PRKAG2: variants seen among roughly 807,000 people sequenced by gnomAD.
PRKAG2 encodes 5'-AMP-activated protein kinase subunit gamma-2.
PRKAG2 carries 26 observed loss-of-function variants against 69.6 expected under a neutral mutation model. The observed-to-expected ratio is 0.37, with a 90% CI of 0.27 to 0.52. The LOEUF is 0.52. Ranked by LOEUF, PRKAG2 falls within the 20% of genes least tolerant of loss-of-function variation. The pLI, the probability that PRKAG2 is intolerant of heterozygous loss-of-function variation, is 0.90. For synonymous variants in PRKAG2, 293 were observed against 285.0 expected, an observed-to-expected ratio of 1.03 and a Z score of -0.28; for missense variants, 557 against 740.0, an observed-to-expected ratio of 0.75 and a Z score of 2.87.
At chr7:151,839,991 AT>A (rs1466485687) in intron 1 of PRKAG2, among the ~76,000 whole-genome samples, 1 of 152,204 alleles carries the variant, frequency 6.6e-6, no homozygotes, top group East Asian at 1.9e-4. Context: ...GAGATCAGAT[AT>A]CCCCCTAACA....
At chr7:151,624,371 G>A (rs529077588) in intron 5 of PRKAG2, among the ~76,000 whole-genome samples, 4 of 151,942 alleles carry the variant, frequency 2.6e-5, no homozygotes, top group African/African-American at 7.2e-5. Flanking sequence ...GGCCGATCTC[G>A]AACTCCTGGA....
At position 151,632,204 on chromosome 7, in the gene PRKAG2, G is replaced by T; in HGVS notation, c.685-66C>A. On this transcript the variant is annotated intron_variant, in intron 4 of 15. Transcript: ENST00000287878. This position sits in a 1 kb window ranked among gnomAD's most constrained non-coding sequence, Gnocchi z 4.2. ...ACGCTCGTCCCCGGCCGGCGGGCTC[G>T]CGGCCGGCCGAGCGCTGGGGCCTGG... 1.7e-6 allele frequency: 2 copies of T among 1,163,578 alleles called. No homozygotes were observed. The highest frequency in any genetic ancestry group is 4.6e-5 in the Admixed American group (1 of 21,744). 72.1% of individuals were successfully genotyped at this position (1,163,578 alleles called of 1,614,324 possible). A position where few individuals can be genotyped will look rare whatever the true frequency, so the allele number is the denominator to read the frequency against.
At chr7:151,819,123 T>C (rs1485734873) in intron 1 of PRKAG2, among the ~76,000 whole-genome samples, 1 of 152,180 alleles carries the variant, frequency 6.6e-6, no homozygotes, top group Non-Finnish European at 1.5e-5. Flanking sequence ...ACAGAGAATC[T>C]GGCCGGCCCG....
rs561627571 is a variant in PRKAG2, at chr7:151,685,600, T to C, written c.467-9963A>G. Among the ~76,000 whole-genome samples, 592 of 152,088 alleles carry C rather than the reference T, an allele frequency of 3.9e-3. 2 individuals carry two copies. The highest frequency in any genetic ancestry group is 0.013 in the African/African-American group (546 of 41,486). On this transcript the variant is annotated intron_variant, in intron 3 of 15. Coordinates refer to ENST00000287878, the MANE Select transcript of PRKAG2 (RefSeq NM_016203.4). Reference sequence around the variant, plus strand: ...CCTGGGCAACATAGTGAGACCCCCATTTCTACAAAAAATAAAAAATTAGCT... The same window carrying C: ...CCTGGGCAACATAGTGAGACCCCCACTTCTACAAAAAATAAAAAATTAGCT...
At chr7:151,671,275 A>G (rs913687979) in intron 4 of PRKAG2, among the ~76,000 whole-genome samples, 1 of 151,028 alleles carries the variant, frequency 6.6e-6, no homozygotes, top group Non-Finnish European at 1.5e-5. Flanking sequence ...AACAGATTTT[A>G]TAAAAATGAT....
At chr7:151,839,251 C>T (rs1416741746) in intron 1 of PRKAG2, among the ~76,000 whole-genome samples, 1 of 152,184 alleles carries the variant, frequency 6.6e-6, no homozygotes, top group Non-Finnish European at 1.5e-5. Context: ...CATCAGCCAA[C>T]TACAGACTGG....
rs1003805010 is a variant in PRKAG2, at chr7:151,597,830, C to T, written c.755-2376G>A. 8.7e-5 allele frequency among the ~76,000 whole-genome samples: 13 copies of T among 150,146 alleles called. 1 individual carries two copies. The highest frequency in any genetic ancestry group is 3.2e-4 in the African/African-American group (13 of 40,988). On this transcript the variant is annotated intron_variant, in intron 5 of 15. Coordinates refer to ENST00000287878, the MANE Select transcript of PRKAG2 (RefSeq NM_016203.4). ...TGTGGACAAAAGGGAGCCCCCCCCC[C>T]CGCTCTTTTATTGAACTATTGGTGG...
chr7:151,640,706 C>A (rs1826529088), intron 4 of PRKAG2, among the ~76,000 whole-genome samples: 1 of 152,162 alleles, frequency 6.6e-6, no homozygotes, highest in African/African-American at 2.4e-5. Context: ...CCTTTTCTCA[C>A]AACTTGCCTG....
At chr7:151,804,526 T>C (rs1298512162) in intron 1 of PRKAG2, among the ~76,000 whole-genome samples, 2 of 152,092 alleles carry the variant, frequency 1.3e-5, no homozygotes, top group African/African-American at 4.8e-5. Flanking sequence ...GGAATTACAA[T>C]TCAAGAGGAG....
intron 1 of PRKAG2, among the ~76,000 whole-genome samples, chr7:151,826,930 G>A (rs139220153): frequency 6.6e-6 from 1 of 152,272 alleles, no homozygotes; most frequent in African/African-American, 2.4e-5. Flanking sequence ...CTGTGGTCAG[G>A]AAAGGCTGTA....
At chr7:151,728,817 C>T (rs997001812) in intron 3 of PRKAG2, among the ~76,000 whole-genome samples, 1 of 152,152 alleles carries the variant, frequency 6.6e-6, no homozygotes, top group Admixed American at 6.5e-5. Flanking sequence ...TGACACCCCA[C>T]CAGCGCCCAG....
intron 1 of PRKAG2, among the ~76,000 whole-genome samples, chr7:151,869,025 A>G (rs553078830): frequency 1.3e-5 from 2 of 152,234 alleles, no homozygotes; most frequent in African/African-American, 2.4e-5. Flanking sequence ...TCTAGTGTTC[A>G]GCACAGTCCA....
At chr7:151,734,911 G>A (rs1799532493) in intron 3 of PRKAG2, among the ~76,000 whole-genome samples, 1 of 136,990 alleles carries the variant, frequency 7.3e-6, no homozygotes, top group Non-Finnish European at 1.5e-5. Context: ...CTGAAGTGCA[G>A]TGGTGTGACC....
At chr7:151,568,672 A>C (rs1254223736) in intron 11 of PRKAG2, 44 bp downstream of exon 11, 2 of 1,599,486 alleles carry the variant, frequency 1.3e-6, no homozygotes, top group Non-Finnish European at 1.7e-6. Flanking sequence ...ATTATTTAAT[A>C]AGTAAATGCA....
rs1241935934 is a variant in PRKAG2 at position 151,756,121 on chromosome 7, G to T, written c.466+25031C>A. Reference sequence around the variant, plus strand: ...ACCACCAGTGATGCCGGCAGCCACAGGTCCCTCTGCCCCCAAAGCAGGTCT... The same window carrying T: ...ACCACCAGTGATGCCGGCAGCCACATGTCCCTCTGCCCCCAAAGCAGGTCT... On this transcript the variant is annotated intron_variant, in intron 3 of 15. Transcript: ENST00000287878. This position sits in a 1 kb window ranked among gnomAD's most constrained non-coding sequence, Gnocchi z 4.9. Among the ~76,000 whole-genome samples the T allele has an allele frequency of 6.6e-6, 1 of 152,096 alleles. No individual in the cohort carries two copies. The highest frequency in any genetic ancestry group is 2.4e-5 in the African/African-American group (1 of 41,416).
At position 151,835,100 on chromosome 7, in the gene PRKAG2, G is replaced by A. The variant is rs1440694637; in HGVS notation, c.114+41407C>T. Among the ~76,000 whole-genome samples the A allele has an allele frequency of 1.3e-5, 2 of 152,156 alleles. No individual in the cohort carries two copies. The highest frequency in any genetic ancestry group is 2.4e-5 in the African/African-American group (1 of 41,434). On this transcript the variant is annotated intron_variant, in intron 1 of 15. Coordinates refer to ENST00000287878, the MANE Select transcript of PRKAG2 (RefSeq NM_016203.4). This position sits in a 1 kb window ranked among gnomAD's most constrained non-coding sequence, Gnocchi z 4.1. ...TGGCCTCATCAAAACTCATCACATC[G>A]GAAACGACCCTGTTTCCAAAAGAGG...
At chr7:151,670,239 G>T (rs1337770350) in intron 4 of PRKAG2, among the ~76,000 whole-genome samples, 1 of 152,158 alleles carries the variant, frequency 6.6e-6, no homozygotes, top group African/African-American at 2.4e-5. Flanking sequence ...CCCAGAGCTG[G>T]AACTATCATC....
chr7:151,793,477 C>T (rs1159998564), intron 1 of PRKAG2, among the ~76,000 whole-genome samples: 2 of 152,232 alleles, frequency 1.3e-5, no homozygotes. Context: ...CAGCACCAGG[C>T]GGGTTCTATC....
intron 5 of PRKAG2, among the ~76,000 whole-genome samples, chr7:151,625,631 G>C (rs1181764409): frequency 6.6e-6 from 1 of 152,188 alleles, no homozygotes; most frequent in Non-Finnish European, 1.5e-5. Flanking sequence ...CCGGGAGTGA[G>C]GGAGAGAGGT....
Sources: gnomAD v4.1 joint callset for allele counts (sites outside exome capture counted in the v4.1 genomes callset) on GRCh38, gnomAD v4.1.1 for gene constraint, Gnocchi (gnomAD v3.1) non-coding constraint, MANE v1.5 for transcripts, NCBI Gene and HGNC (gene_info 2026-07-23, HGNC 2026-07-21) for gene names.